Variants in FRMD4B observed in about 807,000 individuals in gnomAD.
The protein encoded by FRMD4B is FERM domain-containing protein 4B.
FRMD4B carries 74 observed loss-of-function variants against 141.5 expected under a neutral mutation model. The observed-to-expected ratio is 0.52, with a 90% CI of 0.43 to 0.63. The LOEUF (loss-of-function observed/expected upper bound fraction) is 0.63, where lower values mean the gene tolerates loss of function less well. Among genes scored for constraint, FRMD4B ranks in the 30% least tolerant of loss-of-function variants. The pLI, the probability that FRMD4B is intolerant of heterozygous loss-of-function variation, is 0.00. For synonymous variants in FRMD4B, 506 were observed against 467.9 expected, an observed-to-expected ratio of 1.08 and a Z score of -1.05; for missense variants, 1,366 against 1,253.4, an observed-to-expected ratio of 1.09 and a Z score of -1.36.
At chr3:69,277,052 C>T (rs972197670) in intron 5 of FRMD4B, among the ~76,000 whole-genome samples, 1 of 152,148 alleles carries the variant, frequency 6.6e-6, no homozygotes, top group African/African-American at 2.4e-5. Context: ...CTAATAAGGT[C>T]TTGGTTAAGA....
intron 1 of FRMD4B, among the ~76,000 whole-genome samples, chr3:69,375,432 C>T (rs2106652476): frequency 6.6e-6 from 1 of 152,066 alleles, no homozygotes; most frequent in Admixed American, 6.5e-5. Context: ...ATAACCATCC[C>T]AAGAAAATAA....
At chr3:69,421,219 A>G (rs1704973115) in intron 2 of FRMD4B, among the ~76,000 whole-genome samples, 1 of 152,260 alleles carries the variant, frequency 6.6e-6, no homozygotes, top group Admixed American at 6.5e-5. Flanking sequence ...TCTGGGAGAC[A>G]GTATACCAGC....
intron 11 of FRMD4B, chr3:69,200,769 CG>C (rs1559711089): frequency 1.1e-6 from 1 of 935,852 alleles, no homozygotes; most frequent in East Asian, 6.1e-5. Context: ...CGAATTTCAC[CG>C]GAGGCTGTTT....
chr3:69,510,113 A>G (rs1282607910), intron 1 of FRMD4B, among the ~76,000 whole-genome samples: 1 of 151,998 alleles, frequency 6.6e-6, no homozygotes, highest in Non-Finnish European at 1.5e-5. Context: ...TTCCTCCTGA[A>G]TATTCGTCCA....
At chr3:69,478,784 T>C (rs1706053871) in intron 1 of FRMD4B, among the ~76,000 whole-genome samples, 1 of 152,148 alleles carries the variant, frequency 6.6e-6, no homozygotes, top group Admixed American at 6.5e-5. Flanking sequence ...CTCGTTGATC[T>C]GTCTAAAGTT....
At chr3:69,326,290 TTTAAG>T (rs1702189937) in intron 1 of FRMD4B, among the ~76,000 whole-genome samples, 1 of 152,148 alleles carries the variant, frequency 6.6e-6, no homozygotes, top group Non-Finnish European at 1.5e-5. Flanking sequence ...AGCTGTCATG[TTTAAG>T]TTGACAATCA....
At chr3:69,351,767 A>T (rs1703158330) in intron 1 of FRMD4B, among the ~76,000 whole-genome samples, 1 of 152,242 alleles carries the variant, frequency 6.6e-6, no homozygotes, top group African/African-American at 2.4e-5. Flanking sequence ...CTAACGGGAT[A>T]GGAAGTCTTA....
At chr3:69,301,947 CATT>C (rs1158776320) in intron 4 of FRMD4B, among the ~76,000 whole-genome samples, 2 of 152,164 alleles carry the variant, frequency 1.3e-5, no homozygotes, top group African/African-American at 2.4e-5. Context: ...CTGTAGAAAA[CATT>C]ATTGCCACGT....
chr3:69,182,538 A>C, intron 20 of FRMD4B, 60 bp downstream of exon 20: 1 of 1,519,326 alleles, frequency 6.6e-7, no homozygotes, highest in Non-Finnish European at 8.9e-7. Context: ...CAATAAAGCA[A>C]GACAGAACCT....
chr3:69,347,883 G>A (rs533880055), intron 1 of FRMD4B, among the ~76,000 whole-genome samples: 196 of 152,198 alleles, frequency 1.3e-3, no homozygotes, highest in African/African-American at 4.1e-3. Context: ...GAAAGCAGGA[G>A]AGATCTAAAT....
chr3:69,288,265 C>A (rs1183784120), intron 4 of FRMD4B, among the ~76,000 whole-genome samples: 2 of 152,238 alleles, frequency 1.3e-5, no homozygotes, highest in African/African-American at 4.8e-5. Context: ...GCTTGAGGCT[C>A]GGGGGTTTTT....
chr3:69,310,526 A>G lies in FRMD4B; in HGVS notation c.323+737T>C. 3 of 455,496 alleles carry G rather than the reference A, an allele frequency of 6.6e-6. No individual in the cohort carries two copies. The Middle Eastern group carries it at 9.8e-4, about 148-fold the overall frequency. 28.2% of individuals were successfully genotyped at this position (455,496 alleles called of 1,614,324 possible). A position where few individuals can be genotyped will look rare whatever the true frequency, so the allele number is the denominator to read the frequency against. ...AATGTAGGCAAATTGGGCTGCCATA[A>G]AAAAGACAGACAGATACACACAGAC... is the stretch of plus-strand genomic sequence containing the variant. On this transcript the variant is annotated intron_variant, in intron 3 of 22. Transcript: ENST00000398540.
Position 69,172,013 on chromosome 3 carries a change from G to T in FRMD4B, c.2985-32C>A. The T allele has an allele frequency of 2.5e-6, 4 of 1,609,032 alleles. No individual in the cohort carries two copies. In the South Asian group the frequency reaches 3.3e-5, roughly 13 times the overall value. ...AAGAAAACCAGAAAAGTTACTACTT[G>T]TGGCCATATTTTTGTCCCCACAGCA... On this transcript the variant is annotated intron_variant, in intron 22 of 22. Transcript: ENST00000398540.
chr3:69,299,750 G>A (rs576487743), intron 4 of FRMD4B, among the ~76,000 whole-genome samples: 1 of 152,110 alleles, frequency 6.6e-6, no homozygotes, highest in Admixed American at 6.6e-5. Context: ...AATAACAGCG[G>A]TACACATGCT....
intron 1 of FRMD4B, among the ~76,000 whole-genome samples, chr3:69,437,666 A>C (rs1190544728): frequency 7.5e-6 from 1 of 134,006 alleles, no homozygotes; most frequent in South Asian, 2.2e-4. Context: ...TTGTATACAT[A>C]CTATATATAC....
At chr3:69,402,683 G>T (rs77078539) in intron 2 of FRMD4B, among the ~76,000 whole-genome samples, 1 of 152,138 alleles carries the variant, frequency 6.6e-6, no homozygotes, top group East Asian at 1.9e-4. Flanking sequence ...ATTTCCCATT[G>T]CCTCTAGATC....
At chr3:69,228,388 C>T (rs1211675493) in intron 7 of FRMD4B, 7 of 456,772 alleles carry the variant, frequency 1.5e-5, no homozygotes, top group East Asian at 6.9e-5. Context: ...ACTGGGTAAG[C>T]GAGCTGAGAA....
intron 1 of FRMD4B, among the ~76,000 whole-genome samples, chr3:69,517,843 C>A (rs1348103052): frequency 1.3e-5 from 2 of 152,178 alleles, no homozygotes; most frequent in South Asian, 2.1e-4. Context: ...GTATAAGAAA[C>A]CCCTGCTGGC....
chr3:69,526,733 C>T (rs1700936703), intron 1 of FRMD4B, among the ~76,000 whole-genome samples: 1 of 152,134 alleles, frequency 6.6e-6, no homozygotes, highest in Non-Finnish European at 1.5e-5. Context: ...GAGAACATAA[C>T]AGGCACTCAA....
Sources: gnomAD v4.1 joint callset for allele counts (sites outside exome capture counted in the v4.1 genomes callset) on GRCh38, gnomAD v4.1.1 for gene constraint, MANE v1.5 for transcripts, NCBI Gene and HGNC (gene_info 2026-07-23, HGNC 2026-07-21) for gene names.